The following CTNNA2 variants were observed in gnomAD, a reference collection of about 807,000 sequenced individuals.
CTNNA2 encodes catenin alpha-2.
CTNNA2 carries 42 observed loss-of-function variants against 101.0 expected under a neutral mutation model. The observed-to-expected ratio is 0.42, with a 90% CI of 0.32 to 0.54. CTNNA2 has a LOEUF of 0.54. Ranked by LOEUF, CTNNA2 falls within the 20% of genes least tolerant of loss-of-function variation. The pLI is 0.14. For missense variants in CTNNA2, 871 were observed against 1,223.1 expected (o/e 0.71, Z 4.29); for synonymous variants, 450 against 456.4 (o/e 0.99, Z 0.18).
intron 3 of CTNNA2, among the ~76,000 whole-genome samples, chr2:79,349,676 G>GT (rs1442707857): frequency 3.3e-5 from 5 of 152,176 alleles, no homozygotes; most frequent in African/African-American, 1.2e-4. Context: ...AATAGCATGA[G>GT]TTTGACTGTT....
At chr2:80,371,706 C>T (rs140693622) in intron 7 of CTNNA2, among the ~76,000 whole-genome samples, 9 of 152,028 alleles carry the variant, frequency 5.9e-5, no homozygotes, top group Non-Finnish European at 1.0e-4. Flanking sequence ...GAGAATGCCA[C>T]GTGAAAGAGC....
chr2:80,414,164 G>A (rs1022474480), intron 8 of CTNNA2, among the ~76,000 whole-genome samples: 1 of 152,166 alleles, frequency 6.6e-6, no homozygotes, highest in Non-Finnish European at 1.5e-5. Flanking sequence ...GGAGAAACAG[G>A]ATTGATTAGT....
intron 2 of CTNNA2, among the ~76,000 whole-genome samples, chr2:79,270,200 T>G (rs548364890): frequency 6.6e-6 from 1 of 152,208 alleles, no homozygotes; most frequent in Non-Finnish European, 1.5e-5. Context: ...AGGGTAAATT[T>G]TGAGATGTGA....
intron 3 of CTNNA2, among the ~76,000 whole-genome samples, chr2:79,837,479 C>A (rs1227007508): frequency 6.6e-6 from 1 of 152,128 alleles, no homozygotes; most frequent in Middle Eastern, 3.2e-3. Context: ...ACTTTGTATC[C>A]TTCAATCCAA....
intron 7 of CTNNA2, among the ~76,000 whole-genome samples, chr2:79,980,458 C>T (rs1470377383): frequency 6.6e-6 from 1 of 152,044 alleles, no homozygotes; most frequent in Non-Finnish European, 1.5e-5. Flanking sequence ...CCTCTAATTG[C>T]AAAAATTAGG....
At chr2:80,073,383 G>GTATAAATATTATAAAAATAATA (rs1698471438) in intron 7 of CTNNA2, among the ~76,000 whole-genome samples, 1 of 152,130 alleles carries the variant, frequency 6.6e-6, no homozygotes, top group Admixed American at 6.5e-5. Flanking sequence ...ATCAGAGATT[G>GTATAAATATTATAAAAATAATA]TGTATCTAGG....
At chr2:79,324,668 T>C (rs1676702706) in intron 3 of CTNNA2, among the ~76,000 whole-genome samples, 1 of 152,080 alleles carries the variant, frequency 6.6e-6, no homozygotes, top group Non-Finnish European at 1.5e-5. Context: ...CCCCAGGAAC[T>C]GTGGGCAGTC....
chr2:79,775,637 C>G (rs1673907048), intron 3 of CTNNA2, among the ~76,000 whole-genome samples: 1 of 152,112 alleles, frequency 6.6e-6, no homozygotes, highest in South Asian at 2.1e-4. Context: ...AAACTGAGGC[C>G]CAGTGAGATT....
intron 8 of CTNNA2, among the ~76,000 whole-genome samples, chr2:80,403,074 C>A (rs1006289219): frequency 6.6e-6 from 1 of 152,032 alleles, no homozygotes; most frequent in Non-Finnish European, 1.5e-5. Context: ...ATGCAGAAAT[C>A]CATGATGAAC....
intron 1 of CTNNA2, 108 bp from the exon 2 acceptor site, chr2:79,651,444 T>C: frequency 9.8e-7 from 1 of 1,018,494 alleles, no homozygotes; most frequent in Non-Finnish European, 1.5e-6. Context: ...CCAGAGAGGC[T>C]ATCTTCCAGT....
At chr2:80,533,015 G>A (rs1690676054) in intron 9 of CTNNA2, among the ~76,000 whole-genome samples, 1 of 152,114 alleles carries the variant, frequency 6.6e-6, no homozygotes, top group African/African-American at 2.4e-5. Flanking sequence ...AGCCATGGGA[G>A]CCACAAGGAT....
chr2:79,717,591 A>G (rs559738124), intron 2 of CTNNA2, among the ~76,000 whole-genome samples: 2 of 152,324 alleles, frequency 1.3e-5, no homozygotes, highest in African/African-American at 4.8e-5. Flanking sequence ...GTCCTGAGCC[A>G]TCTAAACAGC....
intron 7 of CTNNA2, among the ~76,000 whole-genome samples, chr2:80,345,458 G>A (rs1007530999): frequency 2.6e-5 from 4 of 151,934 alleles, no homozygotes; most frequent in Admixed American, 6.5e-5. Flanking sequence ...CAATTCCCAA[G>A]CCTTGGCTTT....
At position 79,924,576 on chromosome 2, in the gene CTNNA2, G is replaced by A. The variant is rs968960792; in HGVS notation, c.1056+14779G>A. 3.9e-5 allele frequency among the ~76,000 whole-genome samples: 6 copies of A among 152,190 alleles called. No individual in the cohort carries two copies. In the South Asian group the frequency reaches 1.2e-3, roughly 32 times the overall value. On this transcript the variant is annotated intron_variant, in intron 7 of 18. Transcript: ENST00000402739. ...ACACCTTGCTTTTGTTTTTAAGCAA[G>A]GTTTTAGATTTCTTCCATCGCTACG... is the stretch of plus-strand genomic sequence containing the variant.
intron 4 of CTNNA2, among the ~76,000 whole-genome samples, chr2:79,384,892 A>G (rs1678080564): frequency 6.6e-6 from 1 of 152,218 alleles, no homozygotes; most frequent in Non-Finnish European, 1.5e-5. Context: ...CATAAAAATC[A>G]CATTAAAAGG....
intron 7 of CTNNA2, among the ~76,000 whole-genome samples, chr2:80,170,205 CTCTA>C (rs1203640181): frequency 6.7e-6 from 1 of 148,890 alleles, no homozygotes; most frequent in African/African-American, 2.6e-5. Flanking sequence ...CTCTCTCTCT[CTCTA>C]TCTCTCTCTC....
chr2:79,448,146 A>T lies in CTNNA2; in HGVS notation c.-134-56908A>T, dbSNP rs544220847. Among the ~76,000 whole-genome samples, 14 of 152,200 alleles carry T rather than the reference A, an allele frequency of 9.2e-5. No homozygotes were observed. The South Asian group carries it at 1.0e-3, about 11-fold the overall frequency. ...ATCTAGAATTTATGGAAATAATTTT[A>T]AAAAATCTCATAACAGCTCTGATGA... is the stretch of plus-strand genomic sequence containing the variant. On this transcript the variant is annotated intron_variant, in intron 4 of 21. Coordinates refer to the CTNNA2 transcript ENST00000466387.
At chr2:79,788,274 A>G (rs1250189307) in intron 3 of CTNNA2, among the ~76,000 whole-genome samples, 2 of 152,148 alleles carry the variant, frequency 1.3e-5, no homozygotes, top group African/African-American at 4.8e-5. Context: ...TGGAAAGCCT[A>G]AACTCAGAAA....
chr2:80,553,698 C>G (rs1362371362), intron 11 of CTNNA2, among the ~76,000 whole-genome samples: 6 of 152,140 alleles, frequency 3.9e-5, no homozygotes, highest in African/African-American at 1.4e-4. Context: ...GATTTTGACA[C>G]AAATCCTTTT....
Sources: gnomAD v4.1 joint callset for allele counts (sites outside exome capture counted in the v4.1 genomes callset) on GRCh38, gnomAD v4.1.1 for gene constraint, MANE v1.5 for transcripts, NCBI Gene and HGNC (gene_info 2026-07-23, HGNC 2026-07-21) for gene names.